RYR3: variants seen among roughly 807,000 people sequenced by gnomAD.
The protein encoded by RYR3 is brain ryanodine receptor-calcium release channel.
Under a neutral mutation model 584.3 loss-of-function variants are expected in RYR3, and 207 were observed. The observed-to-expected ratio is 0.35, with a 90% confidence interval of 0.32 to 0.40. The LOEUF is 0.40. Ranked by LOEUF, RYR3 falls within the 10% of genes least tolerant of loss-of-function variation. RYR3 has a pLI of 1.00. For missense variants in RYR3, 5,616 were observed against 6,089.2 expected, an observed-to-expected ratio of 0.92 and a Z score of 2.59; for synonymous variants, 2,416 against 2,248.5, an observed-to-expected ratio of 1.07 and a Z score of -2.11.
At position 33,635,641 on chromosome 15, in the gene RYR3, T is replaced by A. The variant is rs1208387921; in HGVS notation, c.3203T>A (p.Ile1068Lys). 1 of 1,613,972 alleles carries A rather than the reference T, an allele frequency of 6.2e-7. No homozygotes were observed. The highest frequency in any genetic ancestry group is 2.2e-5 in the East Asian group (1 of 44,878). The change falls in exon 26 of 104, where the codon ATA becomes AAA. Residue 1068 changes from isoleucine (I) to lysine (K), a missense_variant. By Grantham distance (102) the Ile-to-Lys change is moderately radical (BLOSUM62 -3). This residue lies in a region of RYR3 where 1,284 missense variants were observed against 1,344.6 expected (regional missense o/e 0.95). Coordinates refer to ENST00000634891, the MANE Select transcript of RYR3 (RefSeq NM_001036.6). ...GACTCGGCTGTGGAGAAGGTCAGCA[T>A]AGACAAGATCCGATTTTTCCGGGTA... ...LADSAVEKVSIDKIRFFRVER... is the reference protein window; with the variant it reads ...LADSAVEKVSKDKIRFFRVER...
intron 27 of RYR3, among the ~76,000 whole-genome samples, chr15:33,642,220 C>T (rs1456142671): frequency 6.6e-6 from 1 of 152,168 alleles, no homozygotes; most frequent in Non-Finnish European, 1.5e-5. Context: ...GAGGTCAAAT[C>T]TTCATTGTTG....
At position 33,349,990 on chromosome 15, in the gene RYR3, A is replaced by G. The variant is rs372307626; in HGVS notation, c.51+38894A>G. 1.8e-4 allele frequency among the ~76,000 whole-genome samples: 28 copies of G among 151,688 alleles called. No homozygotes were observed. The East Asian group carries it at 5.1e-3, about 27-fold the overall frequency. On this transcript the variant is annotated intron_variant, in intron 1 of 103. Transcript: ENST00000634891. The stretch of plus-strand genomic sequence containing the variant: ...GTGCCACATTTTCTTAATCCAGTCT[A>G]TCATTGTTGGACATTTGGGTTGGTT...
chr15:33,648,945 G>A (rs1478775762), intron 30 of RYR3, 127 bp from the exon 31 acceptor site: 9 of 793,570 alleles, frequency 1.1e-5, no homozygotes, highest in Non-Finnish European at 1.6e-5. Context: ...CTCTACTAGT[G>A]TGCACTTTTC....
intron 43 of RYR3, among the ~76,000 whole-genome samples, chr15:33,719,170 G>A (rs1213602705): frequency 6.6e-6 from 1 of 152,208 alleles, no homozygotes; most frequent in African/African-American, 2.4e-5. Context: ...CTTCGTCTTA[G>A]AGCGTGCTCT....
chr15:33,672,760 A>T (rs1337352933), intron 38 of RYR3, among the ~76,000 whole-genome samples: 1 of 152,248 alleles, frequency 6.6e-6, no homozygotes, highest in Non-Finnish European at 1.5e-5. Flanking sequence ...TGATGAAATA[A>T]TAAAAGTGTA....
chr15:33,331,164 C>G (rs1970335457), intron 1 of RYR3, among the ~76,000 whole-genome samples: 1 of 152,128 alleles, frequency 6.6e-6, no homozygotes, highest in Non-Finnish European at 1.5e-5. Flanking sequence ...TTTAAACATA[C>G]TAAAGTTAAC....
intron 37 of RYR3, 133 bp from the exon 38 acceptor site, chr15:33,670,286 G>T (rs2063766204): frequency 3.4e-6 from 3 of 877,236 alleles, no homozygotes; most frequent in Non-Finnish European, 5.4e-6. Context: ...CACGAGAATA[G>T]TATCTTTAGA....
intron 1 of RYR3, among the ~76,000 whole-genome samples, chr15:33,381,035 G>A (rs748249194): frequency 5.3e-5 from 8 of 152,096 alleles, no homozygotes; most frequent in Non-Finnish European, 8.8e-5. Flanking sequence ...CCAATTTCCA[G>A]TCTTCTGTCT....
intron 6 of RYR3, 144 bp downstream of exon 6, chr15:33,539,606 G>A (rs1285092078): frequency 6.2e-6 from 3 of 483,318 alleles, no homozygotes; most frequent in Non-Finnish European, 1.1e-5. Flanking sequence ...CAATGTAGGG[G>A]TTAGGGATGC....
At chr15:33,500,278 C>T (rs116732913) in intron 2 of RYR3, among the ~76,000 whole-genome samples, 1 of 152,194 alleles carries the variant, frequency 6.6e-6, no homozygotes, top group African/African-American at 2.4e-5. Context: ...CCTCATTTCC[C>T]TGAGGGCTTG....
intron 45 of RYR3, among the ~76,000 whole-genome samples, chr15:33,725,975 C>CAG (rs1567033770): frequency 9.9e-5 from 1 of 10,058 alleles, no homozygotes; most frequent in Non-Finnish European, 3.0e-4. Flanking sequence ...ATCCCCCCCC[C>CAG]CAAAAAAAAA....
At chr15:33,800,926 G>GA (rs1235946655) in intron 68 of RYR3, 69 bp downstream of exon 68, 15 of 1,131,498 alleles carry the variant, frequency 1.3e-5, no homozygotes, top group East Asian at 2.4e-5. Flanking sequence ...AACTGTTGAT[G>GA]AAAAAAAGCC....
chr15:33,825,471 C>G, intron 81 of RYR3, 132 bp from the exon 82 acceptor site: 1 of 599,096 alleles, frequency 1.7e-6, no homozygotes, highest in South Asian at 2.1e-5. Flanking sequence ...CTTGCAACCA[C>G]CCTGGAATGT....
chr15:33,803,996 TG>T (rs1251950057), intron 69 of RYR3, among the ~76,000 whole-genome samples: 1 of 152,186 alleles, frequency 6.6e-6, no homozygotes, highest in Non-Finnish European at 1.5e-5. Context: ...TCAAGGTCCT[TG>T]GGTTTACATT....
intron 99 of RYR3, among the ~76,000 whole-genome samples, chr15:33,859,333 G>A (rs149781287): frequency 6.6e-6 from 1 of 152,222 alleles, no homozygotes; most frequent in Non-Finnish European, 1.5e-5. Flanking sequence ...ACCTTTAATG[G>A]GCCTAAAAAT....
intron 102 of RYR3, among the ~76,000 whole-genome samples, chr15:33,861,654 C>T (rs1888269807): frequency 6.6e-6 from 1 of 152,122 alleles, no homozygotes; most frequent in Admixed American, 6.6e-5. Flanking sequence ...GGCTTTCCTC[C>T]CACTACATCA....
chr15:33,723,963 A>T (rs2068142244), intron 44 of RYR3, 102 bp from the exon 45 acceptor site: 3 of 647,896 alleles, frequency 4.6e-6, no homozygotes, highest in South Asian at 3.8e-5. Context: ...GATGTATGAT[A>T]TGCAAGAAGA....
intron 19 of RYR3, among the ~76,000 whole-genome samples, chr15:33,616,701 C>A (rs1181317616): frequency 6.6e-6 from 1 of 152,136 alleles, no homozygotes; most frequent in Non-Finnish European, 1.5e-5. Flanking sequence ...AAAAGCAGTG[C>A]CAGTGGGGTG....
At chr15:33,406,389 C>G (rs1292197525) in intron 1 of RYR3, among the ~76,000 whole-genome samples, 1 of 152,214 alleles carries the variant, frequency 6.6e-6, no homozygotes, top group African/African-American at 2.4e-5. Flanking sequence ...TTTCAGCTGT[C>G]TCTTCCATAC....
Sources: allele counts gnomAD v4.1 joint callset (sites outside exome capture counted in the v4.1 genomes callset), GRCh38; gene constraint gnomAD v4.1.1; regional missense constraint gnomAD v4.1.1; transcripts MANE v1.5; gene names NCBI Gene and HGNC (gene_info 2026-07-23, HGNC 2026-07-21).